The following PCDHGB4 variants were observed in gnomAD, a reference collection of about 807,000 sequenced individuals.
PCDHGB4 encodes the protein protocadherin gamma-B4.
In PCDHGB4, 38 loss-of-function variants were observed where a neutral mutation model predicts 60.5. The ratio of observed to expected loss-of-function variants is 0.63; its 90% CI spans 0.48 to 0.82. PCDHGB4 has a LOEUF of 0.82. PCDHGB4 is among the 40% of genes least tolerant of loss of function. The probability of loss-of-function intolerance (pLI) is 0.00; values close to 1 mark genes in which losing one functional copy is unlikely to be tolerated. For synonymous variants in PCDHGB4, 456 were observed against 509.7 expected (o/e 0.89, Z 1.42); for missense variants, 1,109 against 1,209.6 (o/e 0.92, Z 1.23).
intron 1 of PCDHGB4, chr5:141,418,471 G>A (rs199547102): frequency 1.9e-6 from 3 of 1,614,002 alleles, no homozygotes; most frequent in South Asian, 2.2e-5. Flanking sequence ...ACCGAGAAAC[G>A]CAGAGCGCTC....
chr5:141,475,899 T>A, intron 1 of PCDHGB4: 1 of 574,766 alleles, frequency 1.7e-6, no homozygotes. Flanking sequence ...TGTGTGCCGC[T>A]GTCGGCCAAT....
At chr5:141,500,809 A>G (rs1018522111) in intron 2 of PCDHGB4, among the ~76,000 whole-genome samples, 1 of 152,324 alleles carries the variant, frequency 6.6e-6, no homozygotes, top group African/African-American at 2.4e-5. Context: ...CCTCATATGA[A>G]TATACATATT....
intron 1 of PCDHGB4, among the ~76,000 whole-genome samples, chr5:141,488,394 A>C (rs2099674951): frequency 1.3e-5 from 2 of 152,232 alleles, no homozygotes. Flanking sequence ...TGGTGAAACC[A>C]TGAAACCTAG....
intron 1 of PCDHGB4, chr5:141,400,421 G>A (rs1158396440): frequency 1.2e-6 from 2 of 1,613,948 alleles, no homozygotes. Flanking sequence ...TTCCTAAAAT[G>A]TAGTGAGCAA....
Position 141,389,341 on chromosome 5 carries a change from CT to C in PCDHGB4, c.1459del (p.Tyr487ThrfsTer19). On this transcript the variant is annotated frameshift_variant, in exon 1 of 4. Transcript: ENST00000519479. LOFTEE classifies it high-confidence loss of function. ...GACTTGGGGCCCAACGGCCAAGTCT[CT>C]TACTGCATCATGGCCAGTGACCTGG... ...DPDLGPNGQV[S>X]YCIMASDLEQ... The C allele has an allele frequency of 6.2e-7, 1 of 1,614,016 alleles. No homozygotes were observed. Among genetic ancestry groups the C allele is most frequent in the Admixed American group, 1.7e-5 (1 of 60,038 alleles).
intron 2 of PCDHGB4, among the ~76,000 whole-genome samples, chr5:141,495,700 T>A (rs2099763052): frequency 6.6e-6 from 1 of 152,228 alleles, no homozygotes; most frequent in Non-Finnish European, 1.5e-5. Flanking sequence ...GCTCAATAAA[T>A]GTGGAGTGAG....
Position 141,432,195 on chromosome 5 carries a change from C to A in PCDHGB4, c.2397+41914C>A, listed in dbSNP as rs1334965321. ...CTCGTCTCTGTGACCGCCCACGACC[C>A]CGACTGTGAAGAGAACGCCCAGATC... On this transcript the variant is annotated intron_variant, in intron 1 of 3. Transcript: ENST00000519479. This position sits in a 1 kb window ranked among gnomAD's most constrained non-coding sequence, Gnocchi z 6.0. 22 of 1,614,088 alleles carry A rather than the reference C, an allele frequency of 1.4e-5. No homozygotes were observed. The highest frequency in any genetic ancestry group is 1.9e-5 in the Non-Finnish European group (22 of 1,180,058).
At chr5:141,492,461 G>A (rs1218833302) in intron 1 of PCDHGB4, among the ~76,000 whole-genome samples, 1 of 152,212 alleles carries the variant, frequency 6.6e-6, no homozygotes, top group East Asian at 1.9e-4. Flanking sequence ...CGCGCCTGAG[G>A]GTCCCAGATC....
intron 1 of PCDHGB4, among the ~76,000 whole-genome samples, chr5:141,447,993 T>A (rs2098557542): frequency 6.6e-6 from 1 of 151,554 alleles, no homozygotes; most frequent in Non-Finnish European, 1.5e-5. Context: ...GGCTGAGGCA[T>A]GAGAATCGCT....
At position 141,394,145 on chromosome 5, in the gene PCDHGB4, C is replaced by T. The variant is rs754958885; in HGVS notation, c.2397+3864C>T. The T allele has an allele frequency of 3.7e-6, 6 of 1,613,962 alleles. No homozygotes were observed. The East Asian group carries it at 8.9e-5, about 24-fold the overall frequency. On this transcript the variant is annotated intron_variant, in intron 1 of 3. Transcript: ENST00000519479. ...CTCAAATCGCTCTGCACGTGGCAGA[C>T]ATTAACGACAACCCTCCTACTTTCC...
intron 1 of PCDHGB4, chr5:141,427,201 A>G (rs1272966114): frequency 4.4e-6 from 2 of 456,618 alleles, no homozygotes; most frequent in African/African-American, 4.0e-5. Flanking sequence ...GACTTAATAG[A>G]CTTCGAATTT....
intron 1 of PCDHGB4, among the ~76,000 whole-genome samples, chr5:141,456,101 G>A (rs1231843666): frequency 6.6e-6 from 1 of 151,970 alleles, no homozygotes; most frequent in African/African-American, 2.4e-5. Context: ...ATTTCACCGT[G>A]TTAGCCAGGA....
intron 1 of PCDHGB4, chr5:141,395,542 TTGTG>T (rs55729045): frequency 0.22 from 37,255 of 170,042 alleles, 4,387 homozygotes; most frequent in East Asian, 0.36. Flanking sequence ...TTGCTATTGT[TTGTG>T]TGTGTGTGTG....
At position 141,398,098 on chromosome 5, in the gene PCDHGB4, C is replaced by T. The variant is rs770737294; in HGVS notation, c.2397+7817C>T. 2.5e-6 allele frequency: 4 copies of T among 1,596,954 alleles called. No homozygotes were observed. In the South Asian group the frequency reaches 4.5e-5, roughly 18 times the overall value. ...TTATTTGTAACCTGGCGTCTCCAGGCTGGTGAGCAAGCTGAGGAGAGCAAG... is the reference window on the plus strand; with the variant it reads ...TTATTTGTAACCTGGCGTCTCCAGGTTGGTGAGCAAGCTGAGGAGAGCAAG... On this transcript the variant is annotated intron_variant, in intron 1 of 3. Transcript: ENST00000519479.
chr5:141,496,144 T>C (rs1478887814), intron 2 of PCDHGB4, among the ~76,000 whole-genome samples: 1 of 151,780 alleles, frequency 6.6e-6, no homozygotes, highest in Non-Finnish European at 1.5e-5. Context: ...GAGCCTTTGA[T>C]CGCAGCTCTC....
intron 1 of PCDHGB4, chr5:141,409,464 C>G (rs1185218827): frequency 1.9e-6 from 3 of 1,613,940 alleles, no homozygotes; most frequent in Non-Finnish European, 1.7e-6. Context: ...TACAATGTCA[C>G]CATCGTAGCC....
At chr5:141,423,294 C>T (rs1222440954) in intron 1 of PCDHGB4, 22 of 1,614,036 alleles carry the variant, frequency 1.4e-5, no homozygotes, top group Admixed American at 1.3e-4. Flanking sequence ...AAACCTCAGA[C>T]CTCTCGCTGT....
chr5:141,458,509 CTTTGT>C (rs1181745590), intron 1 of PCDHGB4, among the ~76,000 whole-genome samples: 1 of 149,986 alleles, frequency 6.7e-6, no homozygotes, highest in Non-Finnish European at 1.5e-5. Context: ...CTGTTTGACA[CTTTGT>C]TTTTTTTTTT....
Position 141,394,937 on chromosome 5 carries a change from C to T in PCDHGB4, c.2397+4656C>T, listed in dbSNP as rs1224179687. 4.3e-6 allele frequency: 7 copies of T among 1,613,688 alleles called. No individual in the cohort carries two copies. In the East Asian group the frequency reaches 8.9e-5, roughly 21 times the overall value. ...TCTCCTGTGTCTTCCTCGCCTTTGT[C>T]GCTGTGCTTCTGGGGCTCAGGCTGA... On this transcript the variant is annotated intron_variant, in intron 1 of 3. Transcript: ENST00000519479.
Sources: gnomAD v4.1 joint callset for allele counts (sites outside exome capture counted in the v4.1 genomes callset) on GRCh38, gnomAD v4.1.1 for gene constraint, Gnocchi (gnomAD v3.1) non-coding constraint, MANE v1.5 for transcripts, NCBI Gene and HGNC (gene_info 2026-07-23, HGNC 2026-07-21) for gene names.